Variants in VWA2 observed in about 807,000 individuals in gnomAD.
VWA2 encodes the protein von Willebrand factor A domain containing 2.
VWA2 carries 73 observed loss-of-function variants against 70.4 expected under a neutral mutation model. The observed-to-expected ratio is 1.04, with a 90% CI of 0.86 to 1.26. The LOEUF is 1.26. VWA2 is among the 50% of genes most tolerant of loss of function. The pLI is 0.00. For synonymous variants in VWA2, 407 were observed against 423.3 expected, an observed-to-expected ratio of 0.96 and a Z score of 0.47; for missense variants, 1,011 against 998.5, an observed-to-expected ratio of 1.01 and a Z score of -0.17.
At chr10:114,280,367 G>C (rs2038012166) in intron 8 of VWA2, among the ~76,000 whole-genome samples, 2 of 151,910 alleles carry the variant, frequency 1.3e-5, no homozygotes, top group Admixed American at 6.6e-5. Context: ...AATGAATACA[G>C]AAAATAAACT....
chr10:114,255,164 G>A (rs2037297140), intron 4 of VWA2, 116 bp downstream of exon 4: 1 of 1,309,934 alleles, frequency 7.6e-7, no homozygotes, highest in Non-Finnish European at 1.1e-6. Flanking sequence ...AGACCAAGGG[G>A]CTGAATCCTG....
intron 4 of VWA2, among the ~76,000 whole-genome samples, 189 bp downstream of exon 4, chr10:114,255,237 T>C (rs1158944525): frequency 6.6e-6 from 1 of 151,884 alleles, no homozygotes; most frequent in African/African-American, 2.4e-5. Flanking sequence ...TTCTTTTTTT[T>C]TTTTTCCCTT....
At chr10:114,250,559 T>C (rs2037173687) in intron 2 of VWA2, among the ~76,000 whole-genome samples, 1 of 152,188 alleles carries the variant, frequency 6.6e-6, no homozygotes, top group Non-Finnish European at 1.5e-5. Context: ...GGTCTGTGTT[T>C]CCATGAGTAG....
At position 114,286,441 on chromosome 10, in the gene VWA2, C is replaced by T. The variant is rs375648504; in HGVS notation, c.1500C>T (p.Tyr500=). 9 of 1,612,570 alleles carry T rather than the reference C, an allele frequency of 5.6e-6. No individual in the cohort carries two copies. The highest frequency in any genetic ancestry group is 2.7e-5 in the African/African-American group (2 of 74,940). ...GCAGCCCAAAGCATGTGATGGTCTA[C>T]TCGGATCCTCAGGATCTGTTCAACC... ...ITGSPKHVMV[Y]SDPQDLFNQI... is the part of the protein sequence containing the mutation. Residue 500 remains tyrosine, a synonymous_variant, in exon 11 of 14, where the codon TAC becomes TAT. Coordinates refer to ENST00000392982, the MANE Select transcript of VWA2 (RefSeq NM_001272046.2).
chr10:114,254,585 A>C (rs2037279555), intron 3 of VWA2, among the ~76,000 whole-genome samples: 1 of 152,190 alleles, frequency 6.6e-6, no homozygotes, highest in South Asian at 2.1e-4. Context: ...TGTCCACACT[A>C]GACTGTGGTC....
At chr10:114,256,988 C>T (rs2037345369) in intron 4 of VWA2, among the ~76,000 whole-genome samples, 1 of 151,238 alleles carries the variant, frequency 6.6e-6, no homozygotes, top group East Asian at 1.9e-4. Context: ...AGACTGGTTG[C>T]ATACAGGTTG....
chr10:114,260,308 G>T (rs2037417395), intron 4 of VWA2, among the ~76,000 whole-genome samples: 1 of 152,142 alleles, frequency 6.6e-6, no homozygotes, highest in Non-Finnish European at 1.5e-5. Context: ...GATCTCCTAT[G>T]GCCTCCTCAG....
chr10:114,255,377 T>G (rs1309068691), intron 4 of VWA2, among the ~76,000 whole-genome samples: 1 of 152,172 alleles, frequency 6.6e-6, no homozygotes, highest in East Asian at 1.9e-4. Context: ...TCTCTAGATC[T>G]GGCCAAAGTC....
At chr10:114,251,398 C>T (rs2037193301) in intron 2 of VWA2, among the ~76,000 whole-genome samples, 1 of 152,204 alleles carries the variant, frequency 6.6e-6, no homozygotes, top group Non-Finnish European at 1.5e-5. Flanking sequence ...GGCACAGAGG[C>T]ACAGTTAGTT....
At chr10:114,250,154 A>C (rs2037165629) in intron 2 of VWA2, among the ~76,000 whole-genome samples, 1 of 152,154 alleles carries the variant, frequency 6.6e-6, no homozygotes, top group African/African-American at 2.4e-5. Flanking sequence ...CACAGATATG[A>C]GTTTTGTGTG....
chr10:114,266,379 T>A (rs2037566733), intron 5 of VWA2, among the ~76,000 whole-genome samples: 2 of 152,080 alleles, frequency 1.3e-5, no homozygotes, highest in Non-Finnish European at 2.9e-5. Flanking sequence ...GATACAAGCA[T>A]GCAATGAGTA....
chr10:114,243,346 T>G (rs1161373860), intron 1 of VWA2, among the ~76,000 whole-genome samples: 1 of 152,206 alleles, frequency 6.6e-6, no homozygotes, highest in Non-Finnish European at 1.5e-5. Flanking sequence ...AGCGTGACTT[T>G]CCCCAGGCAG....
intron 5 of VWA2, among the ~76,000 whole-genome samples, chr10:114,267,967 G>A (rs188262963): frequency 4.6e-5 from 7 of 152,230 alleles, no homozygotes; most frequent in Admixed American, 1.3e-4. Context: ...AGACTCAAAA[G>A]ATAAACTTCT....
rs1474570792 is a variant in VWA2 at position 114,289,218 on chromosome 10, C to T, written c.1851C>T (p.Ile617=). ...VGSAGTALLH[I]YDKVMTVQRG... ...CAGCCGGCACCGCCCTGCTGCACAT[C>T]TATGACAAAGTGATGACCGTCCAGA... Residue 617 remains isoleucine, a synonymous_variant, in exon 12 of 14, where the codon ATC becomes ATT. Transcript: ENST00000392982. 6.2e-7 allele frequency: 1 copy of T among 1,613,726 alleles called. No individual in the cohort carries two copies. The highest frequency in any genetic ancestry group is 8.5e-7 in the Non-Finnish European group (1 of 1,179,884).
rs79206528 is a variant in VWA2 at position 114,266,852 on chromosome 10, G to A, written c.371+5557G>A. On this transcript the variant is annotated intron_variant, in intron 5 of 13. Transcript: ENST00000392982. ...CCGGCCCCTTTCAAACCACATTAAC[G>A]TTTAAATATGGCTTTTGGGTTAGAA... is the stretch of plus-strand genomic sequence containing the variant. 6.0e-4 allele frequency among the ~76,000 whole-genome samples: 92 copies of A among 152,144 alleles called. 1 individual carries two copies. The highest frequency in any genetic ancestry group is 6.0e-3 in the East Asian group (31 of 5,184).
rs780928786 is a variant in VWA2 at position 114,286,049 on chromosome 10, G to A, written c.1108G>A (p.Val370Met). The stretch of plus-strand genomic sequence containing the variant: ...GGCCAAAGTCTTCGTGAAGCGGTTT[G>A]TGCGGGCCGTGCTGAGCGAGGACTC... Reference protein sequence around the residue: ...LRAKVFVKRFVRAVLSEDSRA... With the variant: ...LRAKVFVKRFMRAVLSEDSRA... Residue 370 changes from valine (V) to methionine (M), a missense_variant, in exon 11 of 14, where the codon GTG becomes ATG. Coordinates refer to ENST00000392982, the MANE Select transcript of VWA2 (RefSeq NM_001272046.2). 1 of 1,614,198 alleles carries A rather than the reference G, an allele frequency of 6.2e-7. No homozygotes were observed. The highest frequency in any genetic ancestry group is 1.1e-5 in the South Asian group (1 of 91,086).
intron 2 of VWA2, among the ~76,000 whole-genome samples, chr10:114,252,098 G>A (rs540826046): frequency 5.9e-5 from 9 of 152,152 alleles, no homozygotes; most frequent in East Asian, 5.8e-4. Flanking sequence ...GAGCCACCCC[G>A]CTGGCCTGTT....
chr10:114,244,340 T>G (rs1018912468), intron 1 of VWA2, among the ~76,000 whole-genome samples: 1 of 152,102 alleles, frequency 6.6e-6, no homozygotes, highest in African/African-American at 2.4e-5. Flanking sequence ...CCCCAACACC[T>G]CTCCCTTGTT....
At chr10:114,277,891 G>A (rs2037884796) in intron 6 of VWA2, 23 bp from the exon 7 acceptor site, 2 of 1,590,728 alleles carry the variant, frequency 1.3e-6, no homozygotes, top group Non-Finnish European at 1.7e-6. Context: ...AGGACCACAA[G>A]CTGTTACAAC....
Sources: allele counts gnomAD v4.1 joint callset (sites outside exome capture counted in the v4.1 genomes callset), GRCh38; gene constraint gnomAD v4.1.1; transcripts MANE v1.5; gene names NCBI Gene and HGNC (gene_info 2026-07-23, HGNC 2026-07-21).